VAV3: variants seen among roughly 807,000 people sequenced by gnomAD.
VAV3 encodes the protein guanine nucleotide exchange factor VAV3.
Under a neutral mutation model 131.2 loss-of-function variants are expected in VAV3, and 94 were observed. That is an observed-to-expected ratio of 0.72 (90% CI 0.61 to 0.85). The LOEUF is 0.85. VAV3 is among the 40% of genes least tolerant of loss of function. The pLI, the probability that VAV3 is intolerant of heterozygous loss-of-function variation, is 0.00. For synonymous variants in VAV3, 349 were observed against 342.0 expected (o/e 1.02, Z -0.22); for missense variants, 939 against 1,002.7 (o/e 0.94, Z 0.86).
intron 23 of VAV3, 35 bp downstream of exon 23, chr1:107,603,012 A>G: frequency 6.5e-7 from 1 of 1,550,382 alleles, no homozygotes. Flanking sequence ...TGAAAACAGG[A>G]AATCTATTTC....
intron 10 of VAV3, among the ~76,000 whole-genome samples, chr1:107,759,909 T>C (rs1664320652): frequency 6.6e-6 from 1 of 152,192 alleles, no homozygotes; most frequent in Non-Finnish European, 1.5e-5. Context: ...GTCGTCCTTA[T>C]TATTTTTTCA....
In VAV3 at chr1:107,760,875, C is replaced by A. The variant is rs953183155; in HGVS notation, c.926G>T (p.Cys309Phe). ...TTTCCCATTATTTGCTCTTTTGGAA[C>A]ATTCCTAATGAAATGTTTTAAAAAC... Reference protein sequence around the residue: ...KEDVKLKLEECSKRANNGKFT... With the variant: ...KEDVKLKLEEFSKRANNGKFT... The change falls in exon 10 of 27, where the codon TGT becomes TTT. Residue 309 changes from cysteine to phenylalanine, a missense_variant. Transcript: ENST00000370056. 6.2e-7 allele frequency: 1 copy of A among 1,612,568 alleles called. No homozygotes were observed. The highest frequency in any genetic ancestry group is 8.5e-7 in the Non-Finnish European group (1 of 1,178,898).
intron 1 of VAV3, among the ~76,000 whole-genome samples, chr1:107,892,640 T>C (rs1671364163): frequency 6.6e-6 from 1 of 151,994 alleles, no homozygotes; most frequent in Non-Finnish European, 1.5e-5. Flanking sequence ...TGTGGACTCC[T>C]CTCTATCTAT....
At chr1:107,876,452 T>G (rs1670500610) in intron 1 of VAV3, among the ~76,000 whole-genome samples, 1 of 152,140 alleles carries the variant, frequency 6.6e-6, no homozygotes, top group South Asian at 2.1e-4. Context: ...GACATGTTTC[T>G]GTTTTGATGG....
At chr1:107,660,456 A>G (rs1352566389) in intron 19 of VAV3, among the ~76,000 whole-genome samples, 8 of 152,172 alleles carry the variant, frequency 5.3e-5, no homozygotes, top group African/African-American at 7.2e-5. Context: ...ACATCCATCT[A>G]TTTCTTCACA....
chr1:107,709,994 C>G (rs1660686019), intron 15 of VAV3, among the ~76,000 whole-genome samples: 1 of 152,120 alleles, frequency 6.6e-6, no homozygotes, highest in African/African-American at 2.4e-5. Context: ...ATAAGTATGA[C>G]AGTGTAGTTA....
rs908630959 is a variant in VAV3 at position 107,895,887 on chromosome 1, T to C, written c.205-20870A>G. Among the ~76,000 whole-genome samples, 5 of 152,284 alleles carry C rather than the reference T, an allele frequency of 3.3e-5. 1 individual carries two copies. Among genetic ancestry groups the C allele is most frequent in the South Asian group, 2.1e-4 (1 of 4,824 alleles). ...AATTCTTTATTGTTACTATGCATAC[T>C]GAACTCACAGGAAATTACCCCTGAA... On this transcript the variant is annotated intron_variant, in intron 1 of 26. Coordinates refer to ENST00000370056, the MANE Select transcript of VAV3 (RefSeq NM_006113.5).
chr1:107,579,793 A>C (rs1430781193), intron 25 of VAV3, among the ~76,000 whole-genome samples: 1 of 152,112 alleles, frequency 6.6e-6, no homozygotes, highest in African/African-American at 2.4e-5. Context: ...TTGTCTCTCT[A>C]ATGAAATCTG....
At chr1:107,869,068 C>T (rs1243061902) in intron 2 of VAV3, among the ~76,000 whole-genome samples, 2 of 151,898 alleles carry the variant, frequency 1.3e-5, no homozygotes, top group African/African-American at 4.8e-5. Context: ...TCTTCTGTAT[C>T]AGGAAGAGAG....
intron 10 of VAV3, among the ~76,000 whole-genome samples, chr1:107,758,182 CCTCA>C (rs775212330): frequency 1.3e-5 from 2 of 152,124 alleles, no homozygotes; most frequent in Non-Finnish European, 2.9e-5. Flanking sequence ...GTTCTCTCTC[CCTCA>C]CTATGTCCTA....
chr1:107,910,841 A>G (rs1269122525), intron 1 of VAV3, among the ~76,000 whole-genome samples: 1 of 152,136 alleles, frequency 6.6e-6, no homozygotes, highest in Non-Finnish European at 1.5e-5. Flanking sequence ...TTAGCCGGGC[A>G]TAATGGCACA....
At chr1:107,812,647 T>C (rs906426700) in intron 2 of VAV3, among the ~76,000 whole-genome samples, 4 of 152,104 alleles carry the variant, frequency 2.6e-5, no homozygotes, top group African/African-American at 9.7e-5. Context: ...CGTTGCAAAA[T>C]ATAACACCTA....
At chr1:107,664,424 C>T (rs1024170398) in intron 19 of VAV3, among the ~76,000 whole-genome samples, 4 of 151,728 alleles carry the variant, frequency 2.6e-5, no homozygotes, top group African/African-American at 9.7e-5. Context: ...TCGTTCAGTT[C>T]CTACTTATAA....
At chr1:107,690,416 C>T (rs935277127) in intron 17 of VAV3, among the ~76,000 whole-genome samples, 3 of 152,060 alleles carry the variant, frequency 2.0e-5, no homozygotes, top group Non-Finnish European at 4.4e-5. Context: ...CATTTACAGG[C>T]TCTTCATATC....
intron 19 of VAV3, among the ~76,000 whole-genome samples, chr1:107,661,881 G>C (rs2101628324): frequency 6.6e-6 from 1 of 152,188 alleles, no homozygotes; most frequent in South Asian, 2.1e-4. Context: ...TACAGGACTT[G>C]GTGATACCGA....
intron 2 of VAV3, among the ~76,000 whole-genome samples, chr1:107,807,990 C>A (rs751185808): frequency 6.6e-6 from 1 of 152,154 alleles, no homozygotes; most frequent in Non-Finnish European, 1.5e-5. Context: ...GATTATCAGG[C>A]AAAACATAAT....
chr1:107,848,395 T>A (rs1037517485), intron 2 of VAV3, among the ~76,000 whole-genome samples: 2 of 151,162 alleles, frequency 1.3e-5, no homozygotes, highest in African/African-American at 4.9e-5. Flanking sequence ...GTCAGTTTCA[T>A]CCCTGGGATG....
intron 1 of VAV3, among the ~76,000 whole-genome samples, chr1:107,924,379 G>A (rs1673052237): frequency 6.7e-6 from 1 of 148,246 alleles, no homozygotes; most frequent in South Asian, 2.1e-4. Flanking sequence ...TTACCCTCCA[G>A]TCGATATTAT....
At chr1:107,921,416 C>T (rs1400798763) in intron 1 of VAV3, among the ~76,000 whole-genome samples, 1 of 152,204 alleles carries the variant, frequency 6.6e-6, no homozygotes, top group African/African-American at 2.4e-5. Flanking sequence ...GTAAACATGG[C>T]TATTTTTCCC....
Sources: allele counts gnomAD v4.1 joint callset (sites outside exome capture counted in the v4.1 genomes callset), GRCh38; gene constraint gnomAD v4.1.1; transcripts MANE v1.5; gene names NCBI Gene and HGNC (gene_info 2026-07-23, HGNC 2026-07-21).